CALN1: variants seen among roughly 807,000 people sequenced by gnomAD.
CALN1 encodes the protein calneuron 1, also known as calcium-binding protein 8.
Under a neutral mutation model 30.6 loss-of-function variants are expected in CALN1, and 17 were observed. The ratio of observed to expected loss-of-function variants is 0.56; its 90% CI spans 0.38 to 0.83. CALN1 has a LOEUF of 0.83. CALN1 is among the 40% of genes least tolerant of loss of function. CALN1 has a pLI of 0.00. For missense variants in CALN1, 291 were observed against 354.9 expected, an observed-to-expected ratio of 0.82 and a Z score of 1.45; for synonymous variants, 156 against 131.4, an observed-to-expected ratio of 1.19 and a Z score of -1.28.
At chr7:72,181,158 T>C (rs1007538056) in intron 3 of CALN1, among the ~76,000 whole-genome samples, 1 of 140,698 alleles carries the variant, frequency 7.1e-6, no homozygotes, top group Non-Finnish European at 1.5e-5. Context: ...ACCCCTACCA[T>C]GTTAAAGTAC....
chr7:72,082,993 G>A (rs1333123475), intron 4 of CALN1, among the ~76,000 whole-genome samples: 1 of 152,118 alleles, frequency 6.6e-6, no homozygotes, highest in Non-Finnish European at 1.5e-5. Context: ...CTGAGGTCAG[G>A]AGTTCGAGAC....
intron 2 of CALN1, among the ~76,000 whole-genome samples, chr7:72,329,179 A>C (rs1486804241): frequency 6.6e-6 from 1 of 152,206 alleles, no homozygotes; most frequent in African/African-American, 2.4e-5. Flanking sequence ...CTATAATTGC[A>C]GTTTTGTTTG....
intron 2 of CALN1, among the ~76,000 whole-genome samples, chr7:72,384,860 A>G (rs560043803): frequency 6.6e-6 from 1 of 152,318 alleles, no homozygotes; most frequent in South Asian, 2.1e-4. Flanking sequence ...AGAGAATGAA[A>G]AGATGAACCA....
chr7:72,035,223 ATTCTT>A (rs1801721844), intron 4 of CALN1, among the ~76,000 whole-genome samples: 3 of 151,978 alleles, frequency 2.0e-5, no homozygotes, highest in Non-Finnish European at 4.4e-5. Context: ...CATCCTCTGA[ATTCTT>A]TTCTTCTTGC....
At chr7:71,888,685 T>C (rs1346644621) in intron 5 of CALN1, among the ~76,000 whole-genome samples, 1 of 151,972 alleles carries the variant, frequency 6.6e-6, no homozygotes, top group Non-Finnish European at 1.5e-5. Context: ...AGTTAGTCGT[T>C]TCTAGGGTAG....
chr7:72,319,305 G>A (rs1272518013), intron 2 of CALN1, among the ~76,000 whole-genome samples: 1 of 152,184 alleles, frequency 6.6e-6, no homozygotes, highest in Admixed American at 6.5e-5. Context: ...TCACAATCAT[G>A]GCTGAGGGCA....
intron 4 of CALN1, among the ~76,000 whole-genome samples, chr7:72,085,988 T>C (rs992907240): frequency 6.6e-6 from 1 of 152,042 alleles, no homozygotes; most frequent in Non-Finnish European, 1.5e-5. Context: ...GAAAATCATC[T>C]GAAAGTCAGG....
At chr7:72,307,064 T>C (rs993307717) in intron 2 of CALN1, among the ~76,000 whole-genome samples, 1 of 152,194 alleles carries the variant, frequency 6.6e-6, no homozygotes, top group Non-Finnish European at 1.5e-5. Flanking sequence ...ACAGACAAAG[T>C]CAGGCAGGGG....
chr7:72,062,531 G>C (rs374787080), intron 4 of CALN1, among the ~76,000 whole-genome samples: 1 of 116,578 alleles, frequency 8.6e-6, no homozygotes, highest in African/African-American at 3.4e-5. Flanking sequence ...AAAAAAAAAA[G>C]AAAAAAAATA....
At chr7:72,269,564 C>T (rs192181928) in intron 3 of CALN1, among the ~76,000 whole-genome samples, 11 of 152,310 alleles carry the variant, frequency 7.2e-5, no homozygotes, top group African/African-American at 1.2e-4. Flanking sequence ...CTCATTAGTA[C>T]TCCAGGCATC....
rs1444205416 is a variant in CALN1 at position 72,398,535 on chromosome 7, A to G, written c.119+4716T>C. Among the ~76,000 whole-genome samples, 6 of 152,358 alleles carry G rather than the reference A, an allele frequency of 3.9e-5. No individual in the cohort carries two copies. The East Asian group carries it at 7.7e-4, about 20-fold the overall frequency. On this transcript the variant is annotated intron_variant, in intron 2 of 6. Transcript: ENST00000395275. ...GCTTCCTTTGGATTGGGCTGAAGCC[A>G]CACCATAGTGGTAGGGTTATTTAGC...
chr7:72,180,246 A>C (rs1273026384), intron 3 of CALN1, among the ~76,000 whole-genome samples: 3 of 152,162 alleles, frequency 2.0e-5, no homozygotes, highest in African/African-American at 4.8e-5. Flanking sequence ...CATGAAGACA[A>C]CTTCATATGG....
chr7:71,987,393 G>A (rs844696), intron 5 of CALN1, among the ~76,000 whole-genome samples: 20,046 of 152,094 alleles, frequency 0.13, 1,940 homozygotes, highest in East Asian at 0.37. Context: ...GCCCCCAGGG[G>A]TGGGCTAGGC....
chr7:72,207,336 T>A (rs147753138), intron 3 of CALN1, among the ~76,000 whole-genome samples: 46 of 152,308 alleles, frequency 3.0e-4, no homozygotes, highest in African/African-American at 1.1e-3. Flanking sequence ...TTCTTGTTTT[T>A]CAAGTCTCCC....
chr7:72,366,614 G>C (rs1803892850), intron 2 of CALN1, among the ~76,000 whole-genome samples: 1 of 152,054 alleles, frequency 6.6e-6, no homozygotes, highest in Non-Finnish European at 1.5e-5. Flanking sequence ...CTAATATGTA[G>C]TTTTTTAGCC....
intron 3 of CALN1, among the ~76,000 whole-genome samples, chr7:72,157,571 AG>A (rs1554459069): frequency 1.3e-5 from 2 of 152,248 alleles, no homozygotes; most frequent in African/African-American, 2.4e-5. Context: ...TTAGGAAGAC[AG>A]GGGAAAAAAA....
intron 1 of CALN1, among the ~76,000 whole-genome samples, chr7:72,406,808 G>A (rs148983764): frequency 1.4e-4 from 21 of 152,044 alleles, no homozygotes; most frequent in African/African-American, 4.3e-4. Flanking sequence ...GTAGAGACGG[G>A]TTTCACCATC....
chr7:72,260,729 G>A (rs1206550099), intron 3 of CALN1, among the ~76,000 whole-genome samples: 2 of 151,990 alleles, frequency 1.3e-5, no homozygotes, highest in Non-Finnish European at 2.9e-5. Context: ...CCACACAGAT[G>A]TAAGAAACAC....
At chr7:72,457,004 CTTTT>C in the CALN1 span, among the ~76,000 whole-genome samples, 6 of 106,576 alleles carry the variant, frequency 5.6e-5, no homozygotes, top group African/African-American at 1.5e-4. Flanking sequence ...TTCTTTCTTT[CTTTT>C]TTTTTTTTTT....
Sources: gnomAD v4.1 joint callset for allele counts (sites outside exome capture counted in the v4.1 genomes callset) on GRCh38, gnomAD v4.1.1 for gene constraint, MANE v1.5 for transcripts, NCBI Gene and HGNC (gene_info 2026-07-23, HGNC 2026-07-21) for gene names.